Variants in FNIP1 observed in about 807,000 individuals in gnomAD.
The protein encoded by FNIP1 is folliculin interacting protein 1, also known as folliculin-interacting protein 1.
In FNIP1, 40 loss-of-function variants were observed where a neutral mutation model predicts 124.5. The ratio of observed to expected loss-of-function variants is 0.32; its 90% CI spans 0.25 to 0.42. The LOEUF (loss-of-function observed/expected upper bound fraction) is 0.42, where lower values mean the gene tolerates loss of function less well. Ranked by LOEUF, FNIP1 falls within the 10% of genes least tolerant of loss-of-function variation. The pLI, the probability that FNIP1 is intolerant of heterozygous loss-of-function variation, is 1.00. For missense variants in FNIP1, 1,176 were observed against 1,403.7 expected (o/e 0.84, Z 2.59); for synonymous variants, 472 against 470.6 (o/e 1.00, Z -0.04).
intron 8 of FNIP1, among the ~76,000 whole-genome samples, chr5:131,707,765 G>T (rs1022778040): frequency 6.6e-6 from 1 of 151,364 alleles, no homozygotes; most frequent in Non-Finnish European, 1.5e-5. Flanking sequence ...AACCCTATTA[G>T]AAAAAAAAGA....
At chr5:131,758,120 A>G (rs545971745) in intron 1 of FNIP1, among the ~76,000 whole-genome samples, 17 of 152,344 alleles carry the variant, frequency 1.1e-4, no homozygotes, top group African/African-American at 3.8e-4. Context: ...TGACAAATTA[A>G]TTGCTTAGAA....
intron 11 of FNIP1, among the ~76,000 whole-genome samples, chr5:131,690,269 G>T (rs1768433870): frequency 1.3e-5 from 2 of 151,894 alleles, no homozygotes; most frequent in African/African-American, 2.4e-5. Context: ...AAAAGTTAAG[G>T]TATAGAAAAA....
intron 3 of FNIP1, among the ~76,000 whole-genome samples, chr5:131,723,715 A>G (rs1281486440): frequency 2.6e-5 from 4 of 152,138 alleles, no homozygotes; most frequent in Non-Finnish European, 5.9e-5. Context: ...ATTTAAAAAA[A>G]ATTATTATTA....
At chr5:131,737,654 T>G (rs1489497999) in intron 2 of FNIP1, among the ~76,000 whole-genome samples, 2 of 152,244 alleles carry the variant, frequency 1.3e-5, no homozygotes, top group African/African-American at 4.8e-5. Flanking sequence ...ATAATAATGG[T>G]AGTACTCTTC....
chr5:131,748,320 T>C (rs1031744921), intron 1 of FNIP1, among the ~76,000 whole-genome samples: 1 of 152,168 alleles, frequency 6.6e-6, no homozygotes, highest in Non-Finnish European at 1.5e-5. Context: ...GTGATGCTCA[T>C]GTAAACAAAC....
chr5:131,740,266 T>C (rs1304322454), intron 2 of FNIP1, among the ~76,000 whole-genome samples: 1 of 152,214 alleles, frequency 6.6e-6, no homozygotes, highest in Non-Finnish European at 1.5e-5. Flanking sequence ...TATTTGCATA[T>C]ATTGAGCTTA....
chr5:131,719,226 A>G, intron 4 of FNIP1, 91 bp downstream of exon 4: 1 of 1,234,940 alleles, frequency 8.1e-7, no homozygotes, highest in East Asian at 2.5e-5. Context: ...TGACAAGCTC[A>G]ATCTGAGTGA....
In FNIP1 at chr5:131,706,480, G is replaced by C. The variant is rs1036544673; in HGVS notation, c.845C>G (p.Ala282Gly). The stretch of plus-strand genomic sequence containing the variant: ...TCGCCAACGTCGCTGGTAGCTGCTG[G>C]CACAACTTCGGGTAAGTGAGGAGTT... ...SPNSSLTRSC[A>G]SSYQRRWRRS... Residue 282 changes from alanine to glycine, a missense_variant, in exon 9 of 18, where the codon GCC (alanine) becomes GGC (glycine). Physicochemically the swap from Ala to Gly is moderately conservative, Grantham distance 60. This residue lies in a region of FNIP1 where 1,109 missense variants were observed against 1,288.5 expected (regional missense o/e 0.86). Coordinates refer to ENST00000510461, the MANE Select transcript of FNIP1 (RefSeq NM_133372.3). The C allele has an allele frequency of 6.2e-7, 1 of 1,613,366 alleles. No homozygotes were observed. The highest frequency in any genetic ancestry group is 8.5e-7 in the Non-Finnish European group (1 of 1,179,518).
rs187374641 is a variant in FNIP1, at chr5:131,671,757, C to T, written c.2687G>A (p.Cys896Tyr). The part of the protein sequence containing the change: ...KCIETVPQDS[C>Y]KTCFPQQDQR... ...GTCCTGCTGAGGAAAGCAGGTTTTA[C>T]ATGAATCTTGGGGAACTGTTTCTAT... Residue 896 changes from cysteine to tyrosine, a missense_variant, in exon 14 of 18, where the codon TGT becomes TAT. Coordinates refer to ENST00000510461, the MANE Select transcript of FNIP1 (RefSeq NM_133372.3). 3 of 1,614,138 alleles carry T rather than the reference C, an allele frequency of 1.9e-6. No individual in the cohort carries two copies. Among genetic ancestry groups the T allele is most frequent in the East Asian group, 4.5e-5 (2 of 44,864 alleles).
intron 2 of FNIP1, among the ~76,000 whole-genome samples, chr5:131,738,658 C>A (rs893505656): frequency 1.3e-5 from 2 of 152,184 alleles, no homozygotes; most frequent in East Asian, 3.9e-4. Flanking sequence ...TGCCACCACA[C>A]CCGGCTAATT....
chr5:131,733,865 C>T (rs1770190912), intron 2 of FNIP1, among the ~76,000 whole-genome samples: 1 of 152,102 alleles, frequency 6.6e-6, no homozygotes, highest in African/African-American at 2.4e-5. Flanking sequence ...GGGAGGATTC[C>T]CTCTTTTTCT....
rs568622335 is a variant in FNIP1 at position 131,694,249 on chromosome 5, C to T, written c.1202+4668G>A. ...TTTTCCAACTGAGTTGAAAACATGT[C>T]CACATAAAACCCCAAACATGAATAT... is the stretch of plus-strand genomic sequence containing the variant. On this transcript the variant is annotated intron_variant, in intron 11 of 17. Transcript: ENST00000510461. 7.9e-5 allele frequency among the ~76,000 whole-genome samples: 12 copies of T among 152,248 alleles called. No homozygotes were observed. The South Asian group carries it at 2.3e-3, about 29-fold the overall frequency.
chr5:131,701,785 A>G (rs1251198436), intron 10 of FNIP1, among the ~76,000 whole-genome samples: 1 of 152,202 alleles, frequency 6.6e-6, no homozygotes, highest in African/African-American at 2.4e-5. Context: ...GCCATATACA[A>G]AACACACTGC....
chr5:131,680,358 A>G (rs1768042382), intron 11 of FNIP1, among the ~76,000 whole-genome samples: 1 of 152,244 alleles, frequency 6.6e-6, no homozygotes, highest in South Asian at 2.1e-4. Context: ...GATAGAAACA[A>G]TAAGAACAGG....
At position 131,670,547 on chromosome 5, in the gene FNIP1, A is replaced by G. The variant is rs751151896; in HGVS notation, c.3024T>C (p.Tyr1008=). The G allele has an allele frequency of 2.5e-6, 4 of 1,613,906 alleles. No individual in the cohort carries two copies. The highest frequency in any genetic ancestry group is 1.3e-5 in the African/African-American group (1 of 74,920). The change falls in exon 15 of 18, where the codon TAT becomes TAC. Residue 1008 remains tyrosine (Y), a synonymous_variant. Transcript: ENST00000510461. ...TTCCTTGAAGAACAAAGTCAGGCAC[A>G]TAAGATGAGCAGTAGCCACCCAGCA... ...RSLLGGYCSS[Y]VPDFVLQGIG...
At chr5:131,698,131 TA>T (rs1351808786) in intron 11 of FNIP1, among the ~76,000 whole-genome samples, 1 of 152,168 alleles carries the variant, frequency 6.6e-6, no homozygotes, top group Non-Finnish European at 1.5e-5. Context: ...ACTAGAAAAC[TA>T]GGGGTCAAAA....
chr5:131,720,485 A>C (rs1400596395), intron 3 of FNIP1, among the ~76,000 whole-genome samples: 2 of 152,244 alleles, frequency 1.3e-5, no homozygotes, highest in African/African-American at 4.8e-5. Context: ...CAGCAAAAAC[A>C]GACAAGTGGG....
intron 11 of FNIP1, among the ~76,000 whole-genome samples, chr5:131,691,706 C>T (rs1768486283): frequency 2.6e-5 from 4 of 152,004 alleles, no homozygotes; most frequent in African/African-American, 7.2e-5. Context: ...AAGTCTATGC[C>T]CACAAATTTA....
intron 3 of FNIP1, among the ~76,000 whole-genome samples, chr5:131,723,789 C>A (rs779822048): frequency 4.6e-5 from 7 of 152,062 alleles, no homozygotes; most frequent in Non-Finnish European, 8.8e-5. Context: ...ATAAAAGTGC[C>A]ATGGTGGTTT....
Sources: allele counts gnomAD v4.1 joint callset (sites outside exome capture counted in the v4.1 genomes callset), GRCh38; gene constraint gnomAD v4.1.1; regional missense constraint gnomAD v4.1.1; transcripts MANE v1.5; gene names NCBI Gene and HGNC (gene_info 2026-07-23, HGNC 2026-07-21).